Variants in PCGF5 observed in about 807,000 individuals in gnomAD.
PCGF5 encodes the protein polycomb group RING finger protein 5.
Under a neutral mutation model 44.3 loss-of-function variants are expected in PCGF5, and 9 were observed. That is an observed-to-expected ratio of 0.20 (90% CI 0.12 to 0.35). PCGF5 has a LOEUF of 0.35. Ranked by LOEUF, PCGF5 falls within the 10% of genes least tolerant of loss-of-function variation. PCGF5 has a pLI of 1.00. For missense variants in PCGF5, 146 were observed against 305.3 expected (o/e 0.48, Z 3.89); for synonymous variants, 95 against 102.5 (o/e 0.93, Z 0.44).
intron 1 of PCGF5, among the ~76,000 whole-genome samples, chr10:91,178,549 C>T (rs1843756851): frequency 6.6e-6 from 1 of 151,810 alleles, no homozygotes; most frequent in Admixed American, 6.6e-5. Context: ...TTCACCACAC[C>T]CGGCTAATTT....
chr10:91,178,307 A>T (rs781082798), intron 1 of PCGF5, among the ~76,000 whole-genome samples: 1 of 152,128 alleles, frequency 6.6e-6, no homozygotes, highest in Non-Finnish European at 1.5e-5. Context: ...GTCAGAAGAA[A>T]TTGCTAAAAT....
At chr10:91,221,713 A>AACTGTG (rs1184682244) in intron 1 of PCGF5, among the ~76,000 whole-genome samples, 1 of 136,042 alleles carries the variant, frequency 7.4e-6, no homozygotes, top group Admixed American at 7.1e-5. Flanking sequence ...GAGGATACAT[A>AACTGTG]TTTTACAGTT....
intron 2 of PCGF5, 35 bp downstream of exon 2, chr10:91,223,018 G>T: frequency 7.6e-7 from 1 of 1,324,214 alleles, no homozygotes; most frequent in South Asian, 1.2e-5. Context: ...ACCTATCAAA[G>T]TTTATATGTA....
At chr10:91,262,377 G>A (rs949136929) in intron 7 of PCGF5, among the ~76,000 whole-genome samples, 1 of 152,044 alleles carries the variant, frequency 6.6e-6, no homozygotes, top group South Asian at 2.1e-4. Context: ...GCAGTGACCC[G>A]AGATCACGCC....
intron 6 of PCGF5, 89 bp downstream of exon 6, chr10:91,251,529 G>A: frequency 7.9e-7 from 1 of 1,270,122 alleles, no homozygotes; most frequent in Non-Finnish European, 1.1e-6. Context: ...GCTTCAAAAT[G>A]TTTGCTTTCA....
At chr10:91,223,373 C>T (rs2133282882) in intron 2 of PCGF5, among the ~76,000 whole-genome samples, 1 of 152,204 alleles carries the variant, frequency 6.6e-6, no homozygotes. Flanking sequence ...CCTAGACTAG[C>T]AGCACCAGTG....
chr10:91,178,279 A>G (rs550090716), intron 1 of PCGF5, among the ~76,000 whole-genome samples: 6 of 152,354 alleles, frequency 3.9e-5, no homozygotes, highest in Middle Eastern at 3.4e-3. Context: ...TTAAACATTT[A>G]AGAATATGCA....
chr10:91,283,224 A>G lies in PCGF5; in HGVS notation c.*4908A>G, dbSNP rs896242396. The G allele has an allele frequency of 2.0e-5, 3 of 152,192 alleles. No individual in the cohort carries two copies. Among genetic ancestry groups the G allele is most frequent in the Non-Finnish European group, 4.4e-5 (3 of 68,024 alleles). 9.4% of individuals were successfully genotyped at this position (152,192 alleles called of 1,614,324 possible). A position where few individuals can be genotyped will look rare whatever the true frequency, so the allele number is the denominator to read the frequency against. On this transcript the variant is annotated 3_prime_UTR_variant, in exon 10 of 10. Coordinates refer to ENST00000336126, the MANE Select transcript of PCGF5 (RefSeq NM_032373.5). ...AATAATGTTTACTTGCTTTCTTTAT[A>G]TTTTCAAATAAAATTAAAATGCTCG...
intron 1 of PCGF5, among the ~76,000 whole-genome samples, chr10:91,203,071 A>G (rs753963469): frequency 2.0e-5 from 3 of 152,176 alleles, no homozygotes; most frequent in Non-Finnish European, 4.4e-5. Context: ...TGATGGAGGT[A>G]GGGGCAGGGG....
chr10:91,268,225 T>TA (rs1449955211), intron 8 of PCGF5, among the ~76,000 whole-genome samples: 1 of 152,164 alleles, frequency 6.6e-6, no homozygotes, highest in East Asian at 1.9e-4. Flanking sequence ...ATAACACCCC[T>TA]ATCTAAAACC....
At chr10:91,255,886 A>G (rs886222961) in intron 6 of PCGF5, among the ~76,000 whole-genome samples, 1 of 152,132 alleles carries the variant, frequency 6.6e-6, no homozygotes, top group African/African-American at 2.4e-5. Flanking sequence ...CACGTAACGT[A>G]TGCACAACCT....
intron 3 of PCGF5, among the ~76,000 whole-genome samples, chr10:91,247,333 A>T (rs972068634): frequency 1.3e-5 from 2 of 152,156 alleles, no homozygotes; most frequent in Non-Finnish European, 2.9e-5. Flanking sequence ...CCTATTCAAT[A>T]TGGAAGTTAT....
At chr10:91,190,869 TC>T (rs1844020079) in intron 1 of PCGF5, among the ~76,000 whole-genome samples, 1 of 152,232 alleles carries the variant, frequency 6.6e-6, no homozygotes, top group South Asian at 2.1e-4. Context: ...GTTCCTGCTG[TC>T]TTTTGTGTTT....
intron 2 of PCGF5, among the ~76,000 whole-genome samples, chr10:91,230,780 C>A (rs1288793587): frequency 1.3e-5 from 2 of 152,072 alleles, no homozygotes; most frequent in African/African-American, 4.8e-5. Context: ...CCACCATGCC[C>A]AGCTAGTTTT....
intron 1 of PCGF5, among the ~76,000 whole-genome samples, chr10:91,181,706 C>G (rs942557168): frequency 6.6e-6 from 1 of 152,110 alleles, no homozygotes; most frequent in Non-Finnish European, 1.5e-5. Flanking sequence ...CCTTGCATCC[C>G]GGGGATGAAG....
intron 6 of PCGF5, among the ~76,000 whole-genome samples, chr10:91,256,350 G>A (rs983012458): frequency 2.6e-5 from 4 of 151,906 alleles, no homozygotes; most frequent in African/African-American, 9.7e-5. Context: ...CAAAGAAAAA[G>A]AACCTGTAAA....
chr10:91,276,717 CT>C (rs766804192), intron 9 of PCGF5, among the ~76,000 whole-genome samples: 31 of 152,150 alleles, frequency 2.0e-4, no homozygotes, highest in African/African-American at 4.8e-4. Context: ...TTAATGGATA[CT>C]TCCATATATG....
chr10:91,178,869 C>T (rs745931251), intron 1 of PCGF5, among the ~76,000 whole-genome samples: 14 of 152,154 alleles, frequency 9.2e-5, no homozygotes, highest in East Asian at 1.9e-4. Context: ...TTTGCACCAA[C>T]GTAATACATG....
At chr10:91,271,740 A>G in intron 9 of PCGF5, 43 bp downstream of exon 9, 2 of 1,514,916 alleles carry the variant, frequency 1.3e-6, no homozygotes, top group South Asian at 2.3e-5. Context: ...TCATGACACC[A>G]TGGCGGTGAG....
Sources: gnomAD v4.1 joint callset for allele counts (sites outside exome capture counted in the v4.1 genomes callset) on GRCh38, gnomAD v4.1.1 for gene constraint, MANE v1.5 for transcripts, NCBI Gene and HGNC (gene_info 2026-07-23, HGNC 2026-07-21) for gene names.